PC: variants seen among roughly 807,000 people sequenced by gnomAD.
PC encodes the protein pyruvate carboxylase, also known as pyruvate carboxylase, mitochondrial.
Under a neutral mutation model 107.8 loss-of-function variants are expected in PC, and 46 were observed. That is an observed-to-expected ratio of 0.43 (90% confidence interval 0.34 to 0.55). The LOEUF is 0.55. PC is among the 20% of genes least tolerant of loss of function. The pLI is 0.04. For synonymous variants in PC, 662 were observed against 684.7 expected, an observed-to-expected ratio of 0.97 and a Z score of 0.52; for missense variants, 1,241 against 1,643.1, an observed-to-expected ratio of 0.76 and a Z score of 4.23.
At chr11:66,854,751 T>A (rs1372308893) in intron 12 of PC, among the ~76,000 whole-genome samples, 1 of 152,144 alleles carries the variant, frequency 6.6e-6, no homozygotes, top group Non-Finnish European at 1.5e-5. Context: ...AGGCTCCTAT[T>A]ACCTGGAGGC....
intron 16 of PC, 130 bp from the exon 17 acceptor site, chr11:66,851,410 G>GGCA: frequency 7.2e-7 from 1 of 1,381,482 alleles, no homozygotes; most frequent in Admixed American, 1.9e-5. Context: ...GGCAGGGGGT[G>GGCA]TGGCATCCAC....
At chr11:66,876,869 C>T (rs1439511287) in intron 3 of PC, among the ~76,000 whole-genome samples, 1 of 152,142 alleles carries the variant, frequency 6.6e-6, no homozygotes, top group South Asian at 2.1e-4. Context: ...GGGGAGCCTT[C>T]GGGACAAGCA....
intron 12 of PC, chr11:66,860,492 T>A (rs1431722520): frequency 1.4e-6 from 1 of 702,752 alleles, no homozygotes; most frequent in Non-Finnish European, 2.6e-6. Context: ...GTCTCTGGTG[T>A]TGTCTGGCTA....
chr11:66,916,896 G>A (rs1948475405), intron 3 of PC, among the ~76,000 whole-genome samples: 1 of 151,964 alleles, frequency 6.6e-6, no homozygotes, highest in Admixed American at 6.6e-5. Context: ...AGAGTTTGTA[G>A]TGAGCCGAGA....
chr11:66,942,261 A>G (rs1251963209), intron 3 of PC, among the ~76,000 whole-genome samples: 33 of 139,638 alleles, frequency 2.4e-4, no homozygotes, highest in Admixed American at 2.3e-3. Flanking sequence ...TTAGCTGGGC[A>G]TGGTGGCAGG....
intron 3 of PC, among the ~76,000 whole-genome samples, chr11:66,896,382 A>T (rs936015311): frequency 1.3e-5 from 2 of 152,214 alleles, no homozygotes; most frequent in East Asian, 3.9e-4. Context: ...CCTGGCCCCA[A>T]CCTGAAATTC....
intron 3 of PC, among the ~76,000 whole-genome samples, chr11:66,939,433 T>G (rs1949070747): frequency 6.6e-6 from 1 of 152,146 alleles, no homozygotes; most frequent in Admixed American, 6.6e-5. Context: ...AACTGTGCTA[T>G]GAAATACTGT....
chr11:66,956,756 C>G (rs893247902), intron 1 of PC, among the ~76,000 whole-genome samples: 1 of 152,244 alleles, frequency 6.6e-6, no homozygotes, highest in African/African-American at 2.4e-5. Flanking sequence ...CATTTCTCCT[C>G]TCTCTCGCTT....
rs139717038 is a variant in PC at position 66,871,142 on chromosome 11, G to A, written c.543C>T (p.His181=). 187 of 1,613,892 alleles carry A rather than the reference G, an allele frequency of 1.2e-4. No homozygotes were observed. Among genetic ancestry groups the A allele is most frequent in the South Asian group, 1.0e-3 (91 of 91,028 alleles). The stretch of plus-strand genomic sequence containing the variant: ...GGAAGCCGTAGGTGTTGGAGAACTC[G>A]TGGGCCTCATGCAGGGACGTGATGG... ...DAPITSLHEA[H]EFSNTYGFPI... The change falls in exon 7 of 23, where the codon CAC becomes CAT. Residue 181 remains histidine (H), a synonymous_variant. Coordinates refer to ENST00000393960, the MANE Select transcript of PC (RefSeq NM_001040716.2). The surrounding 1 kb of genome is among the most constrained non-coding windows in gnomAD (Gnocchi z 7.4).
At chr11:66,956,544 C>T (rs1949565888) in intron 1 of PC, among the ~76,000 whole-genome samples, 1 of 152,122 alleles carries the variant, frequency 6.6e-6, no homozygotes, top group African/African-American at 2.4e-5. Flanking sequence ...GAGATCACAC[C>T]GCTGCACTCC....
intron 3 of PC, among the ~76,000 whole-genome samples, chr11:66,937,771 G>GTT (rs902592166): frequency 4.8e-5 from 7 of 146,742 alleles, no homozygotes; most frequent in Non-Finnish European, 7.5e-5. Flanking sequence ...GAATTTCTGG[G>GTT]TTTTTTTTGT....
Position 66,851,275 on chromosome 11 carries a change from C to G in PC, c.1988G>C (p.Cys663Ser). 1 of 1,600,494 alleles carries G rather than the reference C, an allele frequency of 6.2e-7. No individual in the cohort carries two copies. ...CATGCCATTCTCTTTGGCCACTTCA[C>G]AGAACCTGCAAGGGTGAGAGAGCCC... ...NYPDNVVFKF[C>S]EVAKENGMDV... Residue 663 changes from cysteine (C) to serine (S), a missense_variant, in exon 17 of 23, where the codon TGT becomes TCT. Physicochemically the swap from Cys to Ser is moderately radical, Grantham distance 112 (BLOSUM62 -1). Transcript: ENST00000393960.
At chr11:66,958,293 G>C (rs1250528123) in intron 1 of PC, 29 bp downstream of exon 1, 1 of 152,292 alleles carries the variant, frequency 6.6e-6, no homozygotes, top group Non-Finnish European at 1.5e-5. Context: ...CGCGGGAAGA[G>C]GACCGTGCGG....
At chr11:66,956,019 C>T (rs1009983490) in intron 1 of PC, among the ~76,000 whole-genome samples, 2 of 151,988 alleles carry the variant, frequency 1.3e-5, no homozygotes, top group African/African-American at 2.4e-5. Context: ...GTGATCCACC[C>T]GCCTCGGCCT....
chr11:66,858,855 T>C lies in PC; in HGVS notation c.1368+4919A>G. 6.4e-7 allele frequency: 1 copy of C among 1,553,994 alleles called. No homozygotes were observed. The highest frequency in any genetic ancestry group is 8.7e-7 in the Non-Finnish European group (1 of 1,149,800). On this transcript the variant is annotated intron_variant, in intron 12 of 22. Transcript: ENST00000393960. This position sits in a 1 kb window ranked among gnomAD's most constrained non-coding sequence, Gnocchi z 5.9. ...CCGAGTAGAACTGCGGGTGCTGGCC[T>C]TGCCCCATGGTGGGAACAGCAGTGC...
intron 3 of PC, among the ~76,000 whole-genome samples, chr11:66,883,087 T>A (rs181160497): frequency 1.8e-4 from 27 of 152,246 alleles, no homozygotes; most frequent in Non-Finnish European, 3.5e-4. Flanking sequence ...CAAGTGGCAC[T>A]GCGGCGACGA....
At chr11:66,950,946 A>G (rs1949420604) in intron 3 of PC, among the ~76,000 whole-genome samples, 1 of 152,058 alleles carries the variant, frequency 6.6e-6, no homozygotes, top group Non-Finnish European at 1.5e-5. Context: ...CAGAGAGAGA[A>G]CAAGGGGGTG....
chr11:66,860,848 C>G (rs1946219529), intron 12 of PC, among the ~76,000 whole-genome samples: 1 of 152,226 alleles, frequency 6.6e-6, no homozygotes, highest in African/African-American at 2.4e-5. Flanking sequence ...GACTAAGCAA[C>G]AGGAGGAGGT....
At chr11:66,951,410 A>G (rs1424536302) in intron 3 of PC, among the ~76,000 whole-genome samples, 2 of 152,114 alleles carry the variant, frequency 1.3e-5, no homozygotes, top group Non-Finnish European at 2.9e-5. Flanking sequence ...AGGGGAGGCC[A>G]CTGAATCTCC....
Sources: gnomAD v4.1 joint callset for allele counts (sites outside exome capture counted in the v4.1 genomes callset) on GRCh38, gnomAD v4.1.1 for gene constraint, Gnocchi (gnomAD v3.1) non-coding constraint, MANE v1.5 for transcripts, NCBI Gene and HGNC (gene_info 2026-07-23, HGNC 2026-07-21) for gene names.